Variants in HIC1 observed in about 807,000 individuals in gnomAD.
HIC1 encodes the protein HIC ZBTB transcriptional repressor 1.
A neutral mutation model predicts 26.4 loss-of-function variants in HIC1; 9 were observed. The observed-to-expected ratio is 0.34, with a 90% CI of 0.21 to 0.59. HIC1 has a LOEUF of 0.59. Ranked by LOEUF, HIC1 falls within the 20% of genes least tolerant of loss-of-function variation. The probability of loss-of-function intolerance (pLI) is 0.82; values close to 1 mark genes in which losing one functional copy is unlikely to be tolerated. For missense variants in HIC1, 965 were observed against 1,075.7 expected (o/e 0.90, Z 1.44); for synonymous variants, 631 against 523.1 (o/e 1.21, Z -2.81).
chr17:2,055,345 G>C lies in HIC1; in HGVS notation c.-21+107G>C, dbSNP rs1244713464. 1 of 152,206 alleles carries C rather than the reference G, an allele frequency of 6.6e-6. No individual in the cohort carries two copies. The highest frequency in any genetic ancestry group is 2.4e-5 in the African/African-American group (1 of 41,444). 9.4% of individuals were successfully genotyped at this position (152,206 alleles called of 1,614,324 possible). ...CTTCTGGCGCGGGTGCCCCATCGCG[G>C]CTGGCGGCTGGCGTTCAGGGCTCCG... On this transcript the variant is annotated intron_variant, in intron 1 of 1. Coordinates refer to ENST00000619757, the MANE Select transcript of HIC1 (RefSeq NM_006497.4). The surrounding 1 kb of genome is among the most constrained non-coding windows in gnomAD (Gnocchi z 6.4).
chr17:2,063,050 A>T lies in HIC1; in HGVS notation c.*4215A>T, dbSNP rs1468685354. The T allele has an allele frequency of 6.6e-6, 1 of 152,316 alleles. No homozygotes were observed. The highest frequency in any genetic ancestry group is 1.5e-5 in the Non-Finnish European group (1 of 68,224). The allele number at this position is 152,316 out of a possible 1,614,324, so 9.4% of individuals were successfully genotyped here. ...AGATAAGTGTGGCTGGGGTGGTGGT[A>T]TGCAGGGCTGTGTGGGGCTCCCAGC... On this transcript the variant is annotated 3_prime_UTR_variant, in exon 2 of 2. Transcript: ENST00000619757.
chr17:2,058,333 C>T lies in HIC1; in HGVS notation c.1643C>T (p.Ala548Val), dbSNP rs2067695370. 38 of 1,609,768 alleles carry T rather than the reference C, an allele frequency of 2.4e-5. No homozygotes were observed. The highest frequency in any genetic ancestry group is 3.2e-5 in the Non-Finnish European group (38 of 1,178,626). Residue 548 changes from alanine (A) to valine (V), a missense_variant, in exon 2 of 2, where the codon GCG becomes GTG. Coordinates refer to ENST00000619757, the MANE Select transcript of HIC1 (RefSeq NM_006497.4). ...GGCCTCAAGCCCTTCGCGTGCGACG[C>T]GTGCGGCATGCGGTTCACGCGCCAG... ...HLGLKPFACDACGMRFTRQYR... is the reference protein window; with the variant it reads ...HLGLKPFACDVCGMRFTRQYR...
In HIC1 at chr17:2,056,759, C is replaced by G; in HGVS notation, c.69C>G (p.Thr23=). Residue 23 remains threonine (T), a synonymous_variant, in exon 2 of 2, where the codon ACC becomes ACG. Transcript: ENST00000619757. Reference sequence around the variant, plus strand: ...TGCTGCAGCTCAACAACCAGCGCACCAAGGGCTTCTTGTGCGACGTGATCA... The same window carrying G: ...TGCTGCAGCTCAACAACCAGCGCACGAAGGGCTTCTTGTGCGACGTGATCA... ...QLLLQLNNQR[T]KGFLCDVIIV... 6.2e-7 allele frequency: 1 copy of G among 1,612,192 alleles called. No individual in the cohort carries two copies. Among genetic ancestry groups the G allele is most frequent in the Non-Finnish European group, 8.5e-7 (1 of 1,179,498 alleles).
chr17:2,056,946 C>A lies in HIC1; in HGVS notation c.256C>A (p.Arg86Ser). The A allele has an allele frequency of 6.2e-7, 1 of 1,607,336 alleles. No homozygotes were observed. Residue 86 changes from arginine (R) to serine (S), a missense_variant, in exon 2 of 2, where the codon CGC (arginine) becomes AGC (serine). Coordinates refer to ENST00000619757, the MANE Select transcript of HIC1 (RefSeq NM_006497.4). ...GGTGCTGGACTTCATCTACACCGGC[C>A]GCCTGGCTGACGGCGCAGAGGCGGC... ...RLVLDFIYTGRLADGAEAAAA... is the reference protein window; with the variant it reads ...RLVLDFIYTGSLADGAEAAAA...
intron 1 of HIC1, chr17:2,056,242 TC>T: frequency 7.2e-7 from 1 of 1,389,788 alleles, no homozygotes. Context: ...GGGCAACTTC[TC>T]CCGAGGCGGG....
Position 2,059,521 on chromosome 17 carries a change from CGCCCCGGCG to C in HIC1, c.*692_*700del, listed in dbSNP as rs1263801699. ...GGCCCCGGACCATATTTATTGCATG[CGCCCCGGCG>C]GCCCCCCATCCCGAGCCCAGGCTGG... On this transcript the variant is annotated 3_prime_UTR_variant, in exon 2 of 2. Coordinates refer to ENST00000619757, the MANE Select transcript of HIC1 (RefSeq NM_006497.4). 1.2e-5 allele frequency: 2 copies of C among 167,526 alleles called. No homozygotes were observed. The highest frequency in any genetic ancestry group is 2.9e-5 in the Non-Finnish European group (2 of 68,398). 10.4% of individuals were successfully genotyped at this position (167,526 alleles called of 1,614,324 possible). A position where few individuals can be genotyped will look rare whatever the true frequency, so the allele number is the denominator to read the frequency against.
At chr17:2,056,142 C>G (rs1317036746) in intron 1 of HIC1, 5 of 381,918 alleles carry the variant, frequency 1.3e-5, no homozygotes, top group Non-Finnish European at 2.3e-5. Context: ...GGCCGCCGCC[C>G]GGGCCCCGAC....
rs2067690680 is a variant in HIC1, at chr17:2,058,005, G to A, written c.1315G>A (p.Ala439Thr). ...SSEQLNAHVEAHVEEEEALYG... is the reference protein window; with the variant it reads ...SSEQLNAHVETHVEEEEALYG... ...TGAGCAGCTGAACGCGCACGTGGAG[G>A]CTCACGTGGAGGAGGAGGAAGCGCT... is the stretch of plus-strand genomic sequence containing the variant. The change falls in exon 2 of 2, where the codon GCT becomes ACT. Residue 439 changes from alanine (A) to threonine (T), a missense_variant. This residue lies in a region of HIC1 where 15 missense variants were observed against 36.2 expected (regional missense o/e 0.41). Transcript: ENST00000619757. 1 of 1,604,918 alleles carries A rather than the reference G, an allele frequency of 6.2e-7. No homozygotes were observed. Among genetic ancestry groups the A allele is most frequent in the East Asian group, 2.2e-5 (1 of 44,630 alleles).
In HIC1 at chr17:2,058,617, C is replaced by A. The variant is rs555845769; in HGVS notation, c.1927C>A (p.Leu643Met). 3.2e-6 allele frequency: 5 copies of A among 1,561,742 alleles called. No individual in the cohort carries two copies. In the Admixed American group the frequency reaches 9.3e-5, roughly 29 times the overall value. ...VARLTAEQLS[L>M]KQQDKAAAAE... ...TCGCCTCACGGCCGAGCAGCTGAGC[C>A]TGAAGCAGCAGGACAAGGCGGCCGC... The change falls in exon 2 of 2, where the codon CTG becomes ATG. Residue 643 changes from leucine (L) to methionine (M), a missense_variant. Leu to Met is a conservative substitution (Grantham distance 15, BLOSUM62 2). Transcript: ENST00000619757.
At position 2,057,703 on chromosome 17, in the gene HIC1, A is replaced by G. The variant is rs764781885; in HGVS notation, c.1013A>G (p.Glu338Gly). 6.1e-6 allele frequency: 9 copies of G among 1,479,718 alleles called. No individual in the cohort carries two copies. Among genetic ancestry groups the G allele is most frequent in the Non-Finnish European group, 6.2e-6 (7 of 1,121,228 alleles). 91.7% of individuals were successfully genotyped at this position (1,479,718 alleles called of 1,614,324 possible). ...CGCGGCTCCCCCAGCGAGCGCTGCG[A>G]AGAGCGTGGTGGGGACGCGGCCGTC... is the stretch of plus-strand genomic sequence containing the variant. ...RERGSPSERC[E>G]ERGGDAAVSP... The change falls in exon 2 of 2, where the codon GAA (glutamate) becomes GGA (glycine). Residue 338 changes from glutamate to glycine, a missense_variant. Physicochemically the swap from Glu to Gly is moderately conservative, Grantham distance 98 (BLOSUM62 -2). Coordinates refer to ENST00000619757, the MANE Select transcript of HIC1 (RefSeq NM_006497.4).
At position 2,058,549 on chromosome 17, in the gene HIC1, G is replaced by C; in HGVS notation, c.1859G>C (p.Gly620Ala). Residue 620 changes from glycine to alanine, a missense_variant, in exon 2 of 2, where the codon GGC becomes GCC. Coordinates refer to ENST00000619757, the MANE Select transcript of HIC1 (RefSeq NM_006497.4). ...GGLPGVPGPDGKGKLDFPEGV... is the reference protein window; with the variant it reads ...GGLPGVPGPDAKGKLDFPEGV... ...CTCCCCGGCGTCCCCGGCCCCGACG[G>C]CAAGGGCAAGCTCGACTTCCCCGAG... 6.5e-7 allele frequency: 1 copy of C among 1,531,950 alleles called. No individual in the cohort carries two copies. The highest frequency in any genetic ancestry group is 2.1e-5 in the Admixed American group (1 of 47,132). The allele number at this position is 1,531,950 out of a possible 1,614,324, so 94.9% of individuals were successfully genotyped here. A position where few individuals can be genotyped will look rare whatever the true frequency, so the allele number is the denominator to read the frequency against.
In HIC1 at chr17:2,058,742, C is replaced by T. The variant is rs748318945; in HGVS notation, c.2052C>T (p.Leu684=). 1.9e-5 allele frequency: 29 copies of T among 1,528,646 alleles called. 2 individuals are homozygous for T. The Middle Eastern group carries it at 5.1e-4, about 27-fold the overall frequency. 94.7% of individuals were successfully genotyped at this position (1,528,646 alleles called of 1,614,324 possible). The change falls in exon 2 of 2, where the codon CTC becomes CTT. Residue 684 remains leucine (L), a synonymous_variant. Transcript: ENST00000619757. ...PLAKFTAELG[L]SPDKAAEVLS... is the part of the protein sequence containing the mutation. ...CCAAGTTCACGGCCGAGCTGGGCCTCAGCCCCGACAAGGCGGCCGAGGTGC... is the reference window on the plus strand; with the variant it reads ...CCAAGTTCACGGCCGAGCTGGGCCTTAGCCCCGACAAGGCGGCCGAGGTGC...
chr17:2,059,203 C>CGGCCCT lies in HIC1; in HGVS notation c.*369_*374dup. On this transcript the variant is annotated 3_prime_UTR_variant, in exon 2 of 2. Transcript: ENST00000619757. ...GTCGGGGCACTCCTAGCCCTACCTCCGGCCCTTGCGACCACACCCATTCTC... is the reference window on the plus strand; with the variant it reads ...GTCGGGGCACTCCTAGCCCTACCTCCGGCCCTGGCCCTTGCGACCACACCCATTCTC... The CGGCCCT allele has an allele frequency of 1.4e-5, 3 of 221,012 alleles. No homozygotes were observed. The highest frequency in any genetic ancestry group is 2.9e-5 in the Non-Finnish European group (3 of 103,846). 13.7% of individuals were successfully genotyped at this position (221,012 alleles called of 1,614,324 possible).
At position 2,057,505 on chromosome 17, in the gene HIC1, CGCTGCCCTTCCAGAA is replaced by C. The variant is rs1243244986; in HGVS notation, c.820_834del (p.Pro274_Leu278del). 1 of 1,489,948 alleles carries C rather than the reference CGCTGCCCTTCCAGAA, an allele frequency of 6.7e-7. No individual in the cohort carries two copies. Among genetic ancestry groups the C allele is most frequent in the African/African-American group, 1.5e-5 (1 of 68,418 alleles). 92.3% of individuals were successfully genotyped at this position (1,489,948 alleles called of 1,614,324 possible). A position where few individuals can be genotyped will look rare whatever the true frequency, so the allele number is the denominator to read the frequency against. ...CCTCTCGCCCTGCCGTCGCTGCCGC[CGCTGCCCTTCCAGAA>C]GCTGGAGGAGGCCGCACCGCCTTCC... On this transcript the variant is annotated inframe_deletion, in exon 2 of 2. Coordinates refer to ENST00000619757, the MANE Select transcript of HIC1 (RefSeq NM_006497.4).
Position 2,057,105 on chromosome 17 carries a change from C to G in HIC1, c.415C>G (p.Leu139Val). 7.5e-7 allele frequency: 1 copy of G among 1,339,792 alleles called. No individual in the cohort carries two copies. Among genetic ancestry groups the G allele is most frequent in the Non-Finnish European group, 9.5e-7 (1 of 1,053,988 alleles). The allele number at this position is 1,339,792 out of a possible 1,614,324, so 83.0% of individuals were successfully genotyped here. A position where few individuals can be genotyped will look rare whatever the true frequency, so the allele number is the denominator to read the frequency against. Residue 139 changes from leucine to valine, a missense_variant, in exon 2 of 2, where the codon CTG (leucine) becomes GTG (valine). This residue lies in a region of HIC1 where 526 missense variants were observed against 525.0 expected (regional missense o/e 1.00). Transcript: ENST00000619757. ...RLKRHGKYCH[L>V]RGGGGGGGGY... ...CAAGCGCCACGGCAAGTACTGCCAC[C>G]TGCGGGGCGGCGGCGGCGGCGGCGG...
Position 2,057,048 on chromosome 17 carries a change from C to A in HIC1, c.358C>A (p.Pro120Thr). The stretch of plus-strand genomic sequence containing the variant: ...GGCCGCCGCCAGCTACCTGCAGATC[C>A]CCGACCTCGTGGCGCTGTGCAAGAA... ...VLAAASYLQI[P>T]DLVALCKKRL... is the part of the protein sequence containing the mutation. Residue 120 changes from proline to threonine, a missense_variant, in exon 2 of 2, where the codon CCC becomes ACC. By Grantham distance (38) the Pro-to-Thr change is conservative (BLOSUM62 -1). Around this residue, in one of 6 missense-constraint regions of HIC1, gnomAD observed 526 missense variants for 525.0 expected, o/e 1.00. Transcript: ENST00000619757. 1.3e-6 allele frequency: 2 copies of A among 1,488,284 alleles called. No homozygotes were observed. Among genetic ancestry groups the A allele is most frequent in the East Asian group, 2.8e-5 (1 of 35,520 alleles). 92.2% of individuals were successfully genotyped at this position (1,488,284 alleles called of 1,614,324 possible). A position where few individuals can be genotyped will look rare whatever the true frequency, so the allele number is the denominator to read the frequency against.
At position 2,061,533 on chromosome 17, in the gene HIC1, G is replaced by A. The variant is rs1159814405; in HGVS notation, c.*2698G>A. ...CACGTGAGGAAGGCTGGGATGTCCC[G>A]TACAGGAACATTCCTTGTGAGCGCC... is the stretch of plus-strand genomic sequence containing the variant. On this transcript the variant is annotated 3_prime_UTR_variant, in exon 2 of 2. Coordinates refer to ENST00000619757, the MANE Select transcript of HIC1 (RefSeq NM_006497.4). 6 of 1,574,608 alleles carry A rather than the reference G, an allele frequency of 3.8e-6. No homozygotes were observed. The highest frequency in any genetic ancestry group is 3.5e-5 in the South Asian group (3 of 86,038).
chr17:2,057,006 A>G lies in HIC1; in HGVS notation c.316A>G (p.Ser106Gly), dbSNP rs2067678291. The G allele has an allele frequency of 6.6e-7, 1 of 1,512,352 alleles. No homozygotes were observed. The allele number at this position is 1,512,352 out of a possible 1,614,324, so 93.7% of individuals were successfully genotyped here. A position where few individuals can be genotyped will look rare whatever the true frequency, so the allele number is the denominator to read the frequency against. ...AAAVAPGAEP[S>G]LGAVLAAASY... ...GGCCGTGGCCCCGGGGGCTGAGCCG[A>G]GCCTGGGCGCCGTGCTGGCCGCCGC... Residue 106 changes from serine (S) to glycine (G), a missense_variant, in exon 2 of 2, where the codon AGC (serine) becomes GGC (glycine). Around this residue, in one of 6 missense-constraint regions of HIC1, gnomAD observed 526 missense variants for 525.0 expected, o/e 1.00. Coordinates refer to ENST00000619757, the MANE Select transcript of HIC1 (RefSeq NM_006497.4).
chr17:2,057,376 GC>G lies in HIC1; in HGVS notation c.689del (p.Pro230ArgfsTer84). ...PLCGLDLSKK[S>X]PPGSAAPERP... Reference sequence around the variant, plus strand: ...TGTGGCCTGGACCTGTCCAAGAAGAGCCCGCCGGGCTCCGCGGCGCCAGAGC... The same window carrying G: ...TGTGGCCTGGACCTGTCCAAGAAGAGCCGCCGGGCTCCGCGGCGCCAGAGC... On this transcript the variant is annotated frameshift_variant, in exon 2 of 2. Coordinates refer to ENST00000619757, the MANE Select transcript of HIC1 (RefSeq NM_006497.4). LOFTEE classifies it low-confidence loss of function (END_TRUNC). The G allele has an allele frequency of 6.9e-7, 1 of 1,453,024 alleles. No individual in the cohort carries two copies. The highest frequency in any genetic ancestry group is 2.7e-5 in the Admixed American group (1 of 37,058). The allele number at this position is 1,453,024 out of a possible 1,614,324, so 90.0% of individuals were successfully genotyped here.
Sources: gnomAD v4.1 joint callset for allele counts on GRCh38, gnomAD v4.1.1 for gene constraint, gnomAD v4.1.1 regional missense constraint, Gnocchi (gnomAD v3.1) non-coding constraint, MANE v1.5 for transcripts, NCBI Gene and HGNC (gene_info 2026-07-23, HGNC 2026-07-21) for gene names.